The following LEPR variants were observed in gnomAD, a reference collection of about 807,000 sequenced individuals.
LEPR encodes the protein leptin receptor, also known as OB receptor.
LEPR carries 56 observed loss-of-function variants against 114.7 expected under a neutral mutation model. The ratio of observed to expected loss-of-function variants is 0.49; its 90% CI spans 0.39 to 0.61. The LOEUF (loss-of-function observed/expected upper bound fraction) is 0.61. Among genes scored for constraint, LEPR ranks in the 20% least tolerant of loss-of-function variants. LEPR has a pLI of 0.00. For synonymous variants in LEPR, 443 were observed against 461.4 expected, an observed-to-expected ratio of 0.96 and a Z score of 0.51; for missense variants, 1,202 against 1,352.9, an observed-to-expected ratio of 0.89 and a Z score of 1.75.
At chr1:65,551,135 T>C (rs995549272) in intron 2 of LEPR, among the ~76,000 whole-genome samples, 13 of 152,192 alleles carry the variant, frequency 8.5e-5, no homozygotes, top group Non-Finnish European at 1.0e-4. Context: ...TTATTGAGGA[T>C]CTTTGCACCA....
At chr1:65,469,385 G>A (rs1647055326) in intron 2 of LEPR, among the ~76,000 whole-genome samples, 1 of 152,200 alleles carries the variant, frequency 6.6e-6, no homozygotes. Context: ...GTGTTTTGGA[G>A]ACTGGATGAT....
At chr1:65,486,927 C>A (rs944465737) in intron 2 of LEPR, among the ~76,000 whole-genome samples, 7 of 152,148 alleles carry the variant, frequency 4.6e-5, no homozygotes, top group African/African-American at 1.7e-4. Context: ...CACCGTCCCA[C>A]CCTGACAGAA....
intron 2 of LEPR, chr1:65,430,079 C>A (rs761948743): frequency 1.3e-6 from 2 of 1,522,786 alleles, no homozygotes; most frequent in African/African-American, 2.7e-5. Flanking sequence ...TTTTGCCCAA[C>A]CGTTGCTGAG....
chr1:65,445,952 T>A (rs893657828), intron 2 of LEPR, among the ~76,000 whole-genome samples: 5 of 152,188 alleles, frequency 3.3e-5, no homozygotes, highest in South Asian at 2.1e-4. Context: ...TAATTTTAAA[T>A]CTTTTTTAGG....
chr1:65,606,340 A>G (rs770135624), intron 11 of LEPR, among the ~76,000 whole-genome samples: 6 of 152,188 alleles, frequency 3.9e-5, no homozygotes, highest in Non-Finnish European at 8.8e-5. Context: ...GATATGACAA[A>G]TGAAGCCTGG....
chr1:65,542,012 A>G (rs1651223751), intron 2 of LEPR, among the ~76,000 whole-genome samples: 1 of 152,204 alleles, frequency 6.6e-6, no homozygotes, highest in Non-Finnish European at 1.5e-5. Context: ...TAGAAATTAA[A>G]CAGTCTGATC....
rs148349369 is a variant in LEPR at position 65,592,820 on chromosome 1, G to A, written c.658G>A (p.Val220Ile). The A allele has an allele frequency of 8.6e-5, 138 of 1,613,254 alleles. No homozygotes were observed. In the African/African-American group the frequency reaches 1.4e-3, roughly 17 times the overall value. Residue 220 changes from valine (V) to isoleucine (I), a missense_variant, in exon 6 of 20, where the codon GTA (valine) becomes ATA (isoleucine). By Grantham distance (29) the Val-to-Ile change is conservative. Coordinates refer to ENST00000349533, the MANE Select transcript of LEPR (RefSeq NM_002303.6). ...GTGTTTGAAAATCACATCTGGTGGAGTAATTTTCCAGTCACCTCTAATGTC... is the reference window on the plus strand; with the variant it reads ...GTGTTTGAAAATCACATCTGGTGGAATAATTTTCCAGTCACCTCTAATGTC... ...LMCLKITSGG[V>I]IFQSPLMSVQ...
intron 2 of LEPR, among the ~76,000 whole-genome samples, chr1:65,462,874 C>T (rs918509549): frequency 4.0e-5 from 6 of 151,862 alleles, no homozygotes; most frequent in African/African-American, 1.2e-4. Context: ...AATTTAAGTT[C>T]TTTGTAGATT....
In LEPR at chr1:65,640,388, A is replaced by T. The variant is rs1223035764; in HGVS notation, c.*3373A>T. The T allele has an allele frequency of 6.6e-6, 1 of 152,234 alleles. No homozygotes were observed. Among genetic ancestry groups the T allele is most frequent in the Admixed American group, 6.5e-5 (1 of 15,290 alleles). 9.4% of individuals were successfully genotyped at this position (152,234 alleles called of 1,614,324 possible). A position where few individuals can be genotyped will look rare whatever the true frequency, so the allele number is the denominator to read the frequency against. On this transcript the variant is annotated 3_prime_UTR_variant, in exon 20 of 20. Coordinates refer to ENST00000349533, the MANE Select transcript of LEPR (RefSeq NM_002303.6). Reference sequence around the variant, plus strand: ...TTTTCATCTTTCAAGGGTCATCTTGATAGTTACCTTAACAAACCTTTCTCA... The same window carrying T: ...TTTTCATCTTTCAAGGGTCATCTTGTTAGTTACCTTAACAAACCTTTCTCA...
chr1:65,606,188 T>A (rs1656795645), intron 11 of LEPR, among the ~76,000 whole-genome samples: 1 of 152,164 alleles, frequency 6.6e-6, no homozygotes, highest in Non-Finnish European at 1.5e-5. Flanking sequence ...TTTTTCAATG[T>A]AAAGTCCCAA....
intron 11 of LEPR, among the ~76,000 whole-genome samples, chr1:65,607,068 A>G (rs1450478060): frequency 2.0e-5 from 3 of 152,234 alleles, no homozygotes; most frequent in African/African-American, 7.2e-5. Flanking sequence ...TAACAGTAGC[A>G]TGATTTATAA....
chr1:65,441,927 T>G (rs1646654540), intron 2 of LEPR, among the ~76,000 whole-genome samples: 1 of 152,170 alleles, frequency 6.6e-6, no homozygotes, highest in Non-Finnish European at 1.5e-5. Context: ...TGATACATAC[T>G]GTTGTTCACT....
intron 10 of LEPR, among the ~76,000 whole-genome samples, chr1:65,603,751 G>GC (rs1199045128): frequency 1.3e-5 from 2 of 150,936 alleles, no homozygotes; most frequent in African/African-American, 2.4e-5. Flanking sequence ...TTTATGTGTG[G>GC]CCCAAGACAG....
chr1:65,431,766 G>C (rs1646487671), intron 2 of LEPR: 1 of 1,597,198 alleles, frequency 6.3e-7, no homozygotes. Context: ...CAATATGAAG[G>C]AAGTAAGGAT....
intron 2 of LEPR, among the ~76,000 whole-genome samples, chr1:65,507,847 A>G (rs1247021062): frequency 1.3e-5 from 2 of 152,118 alleles, no homozygotes; most frequent in African/African-American, 4.8e-5. Flanking sequence ...TTCTCCACAT[A>G]CTTGCTAATA....
chr1:65,435,177 C>T, intron 2 of LEPR: 12 of 985,384 alleles, frequency 1.2e-5, no homozygotes, highest in Non-Finnish European at 1.4e-5. Flanking sequence ...TCCTGCTTTT[C>T]ATAGTTGTTT....
chr1:65,618,609 G>A (rs559265266), intron 16 of LEPR, among the ~76,000 whole-genome samples: 31 of 152,168 alleles, frequency 2.0e-4, no homozygotes, highest in African/African-American at 7.5e-4. Flanking sequence ...GGGATTACAG[G>A]CATGGGCCAC....
intron 2 of LEPR, among the ~76,000 whole-genome samples, chr1:65,482,106 A>G (rs1647258981): frequency 7.7e-6 from 1 of 129,290 alleles, no homozygotes; most frequent in African/African-American, 3.0e-5. Context: ...TTTAATTTAC[A>G]ATGGCAATTT....
chr1:65,427,562 A>C (rs887785395), intron 2 of LEPR, among the ~76,000 whole-genome samples: 1 of 152,194 alleles, frequency 6.6e-6, no homozygotes, highest in Non-Finnish European at 1.5e-5. Flanking sequence ...TTGTCTCTTA[A>C]ATAAAAAAGT....
Sources: allele counts gnomAD v4.1 joint callset (sites outside exome capture counted in the v4.1 genomes callset), GRCh38; gene constraint gnomAD v4.1.1; transcripts MANE v1.5; gene names NCBI Gene and HGNC (gene_info 2026-07-23, HGNC 2026-07-21).